Variants in PCDHGA3 observed in about 807,000 individuals in gnomAD.
PCDHGA3 encodes the protein protocadherin gamma-A3.
Under a neutral mutation model 58.5 loss-of-function variants are expected in PCDHGA3, and 40 were observed. That is an observed-to-expected ratio of 0.68 (90% CI 0.53 to 0.89). The LOEUF (loss-of-function observed/expected upper bound fraction) is 0.89, where lower values mean the gene tolerates loss of function less well. PCDHGA3 is among the 40% of genes least tolerant of loss of function. PCDHGA3 has a pLI of 0.00. For missense variants in PCDHGA3, 1,223 were observed against 1,195.9 expected, an observed-to-expected ratio of 1.02 and a Z score of -0.33; for synonymous variants, 530 against 525.7, an observed-to-expected ratio of 1.01 and a Z score of -0.11.
In PCDHGA3 at chr5:141,394,836, T is replaced by G. The variant is rs116789057; in HGVS notation, c.2424+48379T>G. On this transcript the variant is annotated intron_variant, in intron 1 of 3. Transcript: ENST00000253812. Reference sequence around the variant, plus strand: ...CAGCATCCCCGAAGTCCTGACCGAGTTGGGCAGTCTGAAGCCTTCGGTCGA... The same window carrying G: ...CAGCATCCCCGAAGTCCTGACCGAGGTGGGCAGTCTGAAGCCTTCGGTCGA... 1,507 of 1,613,748 alleles carry G rather than the reference T, an allele frequency of 9.3e-4. 9 individuals carry two copies. The African/African-American group carries it at 0.016, about 17-fold the overall frequency.
chr5:141,363,969 G>T (rs1161441825), intron 1 of PCDHGA3, among the ~76,000 whole-genome samples: 14 of 152,250 alleles, frequency 9.2e-5, no homozygotes, highest in East Asian at 1.9e-4. Context: ...TGGAAGTCTT[G>T]CTATTCAGAA....
At position 141,486,418 on chromosome 5, in the gene PCDHGA3, A is replaced by G. The variant is rs1174910867; in HGVS notation, c.2425-8389A>G. On this transcript the variant is annotated intron_variant, in intron 1 of 3. Transcript: ENST00000253812. This position sits in a 1 kb window ranked among gnomAD's most constrained non-coding sequence, Gnocchi z 5.0. ...TGGTGACTGCTGGACCCTTGGATCG[A>G]GAGGCCAAATCTAGCTATGACATCA... is the stretch of plus-strand genomic sequence containing the variant. The G allele has an allele frequency of 3.7e-6, 6 of 1,614,176 alleles. No individual in the cohort carries two copies. Among genetic ancestry groups the G allele is most frequent in the Non-Finnish European group, 5.1e-6 (6 of 1,180,020 alleles).
intron 1 of PCDHGA3, chr5:141,415,889 T>C: frequency 2.1e-6 from 2 of 942,152 alleles, no homozygotes; most frequent in Non-Finnish European, 2.9e-6. Context: ...TATTGACAAT[T>C]CCTAAGACAG....
intron 1 of PCDHGA3, among the ~76,000 whole-genome samples, chr5:141,447,405 T>C (rs1045202682): frequency 6.6e-6 from 1 of 152,068 alleles, no homozygotes; most frequent in Non-Finnish European, 1.5e-5. Context: ...CCCAAAGTGC[T>C]GGGATTACAG....
At chr5:141,462,071 C>T (rs1473972601) in intron 1 of PCDHGA3, among the ~76,000 whole-genome samples, 1 of 152,214 alleles carries the variant, frequency 6.6e-6, no homozygotes, top group African/African-American at 2.4e-5. Context: ...GATCTGCCCG[C>T]CTTGGCCTCC....
intron 2 of PCDHGA3, among the ~76,000 whole-genome samples, chr5:141,503,570 G>T (rs996006002): frequency 3.4e-4 from 50 of 147,216 alleles, no homozygotes; most frequent in African/African-American, 1.2e-3. Context: ...CTGTACTCCA[G>T]CCTGGGTGAC....
At chr5:141,430,837 CG>C in intron 1 of PCDHGA3, 1 of 1,560,074 alleles carries the variant, frequency 6.4e-7, no homozygotes, top group African/African-American at 1.4e-5. Flanking sequence ...TGTGGGAGAC[CG>C]GATGCACCCA....
At chr5:141,367,851 G>C (rs149342716) in intron 1 of PCDHGA3, 1 of 151,844 alleles carries the variant, frequency 6.6e-6, no homozygotes, top group Admixed American at 6.6e-5. Flanking sequence ...CAATGTTAGC[G>C]TTTCTTTAAG....
rs1207371456 is a variant in PCDHGA3 at position 141,487,371 on chromosome 5, G to A, written c.2425-7436G>A. On this transcript the variant is annotated intron_variant, in intron 1 of 3. Transcript: ENST00000253812. The surrounding 1 kb of genome is among the most constrained non-coding windows in gnomAD (Gnocchi z 5.0). ...TGCTTTCCTGCTGGCACCTGTGCCT[G>A]TCTCACCAGATCTCGAAGGAGGGAG... The A allele has an allele frequency of 4.3e-6, 7 of 1,614,076 alleles. No individual in the cohort carries two copies. In the Admixed American group the frequency reaches 5.0e-5, roughly 12 times the overall value.
chr5:141,498,880 C>G (rs1334510457), intron 2 of PCDHGA3, among the ~76,000 whole-genome samples: 1 of 150,028 alleles, frequency 6.7e-6, no homozygotes, highest in African/African-American at 2.4e-5. Flanking sequence ...TTGCAGTGAG[C>G]TGAGATCACA....
chr5:141,467,554 T>A (rs2099145880), intron 1 of PCDHGA3, among the ~76,000 whole-genome samples: 1 of 152,238 alleles, frequency 6.6e-6, no homozygotes. Flanking sequence ...TATATCTTTT[T>A]TCCCAAATGG....
intron 1 of PCDHGA3, chr5:141,423,674 C>A (rs57195665): frequency 0.087 from 131,432 of 1,514,090 alleles, 6,254 homozygotes; most frequent in East Asian, 0.14. Flanking sequence ...AGATTTATTT[C>A]TCTGCCTCCT....
chr5:141,374,107 G>A, intron 1 of PCDHGA3: 3 of 1,573,706 alleles, frequency 1.9e-6, no homozygotes, highest in Non-Finnish European at 8.6e-7. Flanking sequence ...AGAGGCATCC[G>A]CAGCGCAGCG....
chr5:141,414,533 C>T, intron 1 of PCDHGA3: 1 of 1,613,960 alleles, frequency 6.2e-7, no homozygotes, highest in Non-Finnish European at 8.5e-7. Flanking sequence ...AATGACAACC[C>T]ACCTACCTTC....
chr5:141,346,503 G>A lies in PCDHGA3; in HGVS notation c.2424+46G>A, dbSNP rs1757762785. The A allele has an allele frequency of 1.9e-6, 3 of 1,610,358 alleles. No homozygotes were observed. The South Asian group carries it at 3.3e-5, about 18-fold the overall frequency. ...GATTATTAAGAACAAATATGAGAAT[G>A]TGGTTATTATAAAGCTTTAACACAT... is the stretch of plus-strand genomic sequence containing the variant. On this transcript the variant is annotated intron_variant, in intron 1 of 3. Coordinates refer to ENST00000253812, the MANE Select transcript of PCDHGA3 (RefSeq NM_018916.4).
chr5:141,458,292 T>C (rs2098941901), intron 1 of PCDHGA3, among the ~76,000 whole-genome samples: 1 of 152,146 alleles, frequency 6.6e-6, no homozygotes, highest in Admixed American at 6.5e-5. Flanking sequence ...GTCCTCATGC[T>C]GGTTTAGATA....
At chr5:141,450,364 T>G (rs2098678485) in intron 1 of PCDHGA3, among the ~76,000 whole-genome samples, 1 of 152,188 alleles carries the variant, frequency 6.6e-6, no homozygotes, top group Admixed American at 6.5e-5. Flanking sequence ...TCCTCAGCCT[T>G]GTTTGTTTAT....
At chr5:141,373,976 G>T (rs1357062991) in intron 1 of PCDHGA3, 1 of 1,066,506 alleles carries the variant, frequency 9.4e-7, no homozygotes, top group Non-Finnish European at 1.3e-6. Context: ...CTTCGCATCC[G>T]GTCTCTGCTT....
intron 1 of PCDHGA3, chr5:141,365,051 C>T: frequency 6.2e-7 from 1 of 1,613,924 alleles, no homozygotes; most frequent in Non-Finnish European, 8.5e-7. Context: ...CAATGCGCCC[C>T]TGTTCACCCC....
Sources: allele counts gnomAD v4.1 joint callset (sites outside exome capture counted in the v4.1 genomes callset), GRCh38; gene constraint gnomAD v4.1.1; non-coding constraint Gnocchi (gnomAD v3.1); transcripts MANE v1.5; gene names NCBI Gene and HGNC (gene_info 2026-07-23, HGNC 2026-07-21).